Variants in WIPF1 observed in about 807,000 individuals in gnomAD.
WIPF1 encodes the protein WAS/WASL-interacting protein family member 1.
Under a neutral mutation model 35.4 loss-of-function variants are expected in WIPF1, and 13 were observed. That is an observed-to-expected ratio of 0.37 (90% confidence interval 0.24 to 0.58). WIPF1 has a LOEUF of 0.58. WIPF1 is among the 20% of genes least tolerant of loss of function. The pLI, the probability that WIPF1 is intolerant of heterozygous loss-of-function variation, is 0.74. For missense variants in WIPF1, 591 were observed against 667.0 expected, an observed-to-expected ratio of 0.89 and a Z score of 1.25; for synonymous variants, 267 against 266.3, an observed-to-expected ratio of 1.00 and a Z score of -0.02.
In WIPF1 at chr2:174,671,554, A is replaced by G. The variant is rs1373894227; in HGVS notation, c.-39+11220T>C. On this transcript the variant is annotated intron_variant, in intron 1 of 8. Transcript: ENST00000272746. ...TGGGAGTGGGGCAGAACAGAGCCAT[A>G]TTTCTCTTCTTTCAAAAGCAAACAG... Among the ~76,000 whole-genome samples the G allele has an allele frequency of 3.3e-5, 5 of 152,316 alleles. No homozygotes were observed. The South Asian group carries it at 1.0e-3, about 32-fold the overall frequency.
At chr2:174,620,573 C>G (rs1325121033) in intron 1 of WIPF1, among the ~76,000 whole-genome samples, 1 of 152,076 alleles carries the variant, frequency 6.6e-6, no homozygotes, top group Non-Finnish European at 1.5e-5. Context: ...TTCCTAGGAC[C>G]ATTAAAATAT....
At chr2:174,595,290 CAAA>C (rs377491345) in intron 1 of WIPF1, among the ~76,000 whole-genome samples, 3 of 45,286 alleles carry the variant, frequency 6.6e-5, no homozygotes, top group Non-Finnish European at 9.0e-5. Context: ...AACCCTGTCT[CAAA>C]AAAAAAAAAA....
At chr2:174,603,756 T>C (rs1686076256) in intron 1 of WIPF1, among the ~76,000 whole-genome samples, 1 of 152,094 alleles carries the variant, frequency 6.6e-6, no homozygotes, top group African/African-American at 2.4e-5. Context: ...TTTGGAGACT[T>C]GCAGGTTGGA....
At chr2:174,647,313 G>A (rs1687430970) in intron 1 of WIPF1, among the ~76,000 whole-genome samples, 1 of 151,870 alleles carries the variant, frequency 6.6e-6, no homozygotes, top group African/African-American at 2.4e-5. Flanking sequence ...AGGAGTCCGA[G>A]GCTGCTGTGA....
intron 3 of WIPF1, among the ~76,000 whole-genome samples, chr2:174,577,678 C>T (rs1685103682): frequency 6.6e-6 from 1 of 152,138 alleles, no homozygotes; most frequent in South Asian, 2.1e-4. Flanking sequence ...GTAATCCCAA[C>T]ACTTTGGGAG....
chr2:174,571,723 G>A lies in WIPF1; in HGVS notation c.1082C>T (p.Pro361Leu), dbSNP rs754722536. Residue 361 changes from proline (P) to leucine (L), a missense_variant, in exon 5 of 8, where the codon CCC becomes CTC. Pro to Leu is a moderately conservative substitution (Grantham distance 98). This residue lies in a region of WIPF1 where 471 missense variants were observed against 501.1 expected (regional missense o/e 0.94). Coordinates refer to ENST00000679041, the MANE Select transcript of WIPF1 (RefSeq NM_001375834.1). This position sits in a 1 kb window ranked among gnomAD's most constrained non-coding sequence, Gnocchi z 4.6. ...PGRSGPLPPPPSERPPPPVRD... is the reference protein window; with the variant it reads ...PGRSGPLPPPLSERPPPPVRD... The stretch of plus-strand genomic sequence containing the variant: ...CACTGGAGGTGGGGGTCTCTCACTG[G>A]GCGGGGGAGGAAGAGGACCTGAACG... 9 of 1,614,142 alleles carry A rather than the reference G, an allele frequency of 5.6e-6. No individual in the cohort carries two copies. The South Asian group carries it at 9.9e-5, about 18-fold the overall frequency.
intron 7 of WIPF1, among the ~76,000 whole-genome samples, chr2:174,565,546 T>C (rs1684631526): frequency 6.6e-6 from 1 of 152,236 alleles, no homozygotes; most frequent in Non-Finnish European, 1.5e-5. Flanking sequence ...GACCTGGGAC[T>C]GCCATCTGTC....
chr2:174,643,981 T>C (rs979573879), intron 1 of WIPF1, among the ~76,000 whole-genome samples: 1 of 152,228 alleles, frequency 6.6e-6, no homozygotes, highest in Non-Finnish European at 1.5e-5. Flanking sequence ...AGCTAGATTA[T>C]CTTTTTAAAC....
At chr2:174,601,327 G>A (rs1686001912), upstream of WIPF1, among the ~76,000 whole-genome samples, 1 of 152,210 alleles carries the variant, frequency 6.6e-6, no homozygotes, top group African/African-American at 2.4e-5. Context: ...CTGTTAAAGG[G>A]AAATTTTCCA....
intron 1 of WIPF1, among the ~76,000 whole-genome samples, chr2:174,651,635 C>T (rs1269071652): frequency 6.6e-6 from 1 of 152,168 alleles, no homozygotes; most frequent in Non-Finnish European, 1.5e-5. Context: ...TTCTCACAAT[C>T]AAGATCTTAC....
At chr2:174,568,876 A>T (rs556937166) in intron 5 of WIPF1, 18 of 152,264 alleles carry the variant, frequency 1.2e-4, no homozygotes, top group South Asian at 2.1e-4. Context: ...ACCATTTTTT[A>T]AAAAAATGTA....
At chr2:174,596,205 C>A (rs190215152) in intron 1 of WIPF1, among the ~76,000 whole-genome samples, 2 of 152,126 alleles carry the variant, frequency 1.3e-5, no homozygotes, top group South Asian at 2.1e-4. Flanking sequence ...GTAGCTGAAG[C>A]GCTATGAGCA....
chr2:174,616,073 G>T (rs1422608617), intron 1 of WIPF1, among the ~76,000 whole-genome samples: 1 of 152,154 alleles, frequency 6.6e-6, no homozygotes, highest in African/African-American at 2.4e-5. Flanking sequence ...GGAGGAAGTG[G>T]TGTGCTGATA....
intron 1 of WIPF1, among the ~76,000 whole-genome samples, chr2:174,592,643 T>C (rs946565996): frequency 2.0e-5 from 3 of 150,856 alleles, no homozygotes; most frequent in African/African-American, 7.3e-5. Context: ...TCTGGCTCTG[T>C]TGCCCAGGCT....
intron 6 of WIPF1, among the ~76,000 whole-genome samples, 166 bp from the exon 7 acceptor site, chr2:174,567,349 A>T (rs1260741567): frequency 3.9e-5 from 6 of 152,254 alleles, no homozygotes; most frequent in Non-Finnish European, 7.3e-5. Flanking sequence ...GTCACGAATT[A>T]GTACACTGAC....
At chr2:174,659,699 T>A (rs1687717246) in intron 1 of WIPF1, among the ~76,000 whole-genome samples, 7 of 152,160 alleles carry the variant, frequency 4.6e-5, no homozygotes. Flanking sequence ...CATTAGTGAT[T>A]ACAGAACTCA....
chr2:174,589,578 G>A (rs1456325048), intron 1 of WIPF1, among the ~76,000 whole-genome samples: 1 of 152,166 alleles, frequency 6.6e-6, no homozygotes, highest in South Asian at 2.1e-4. Flanking sequence ...TTCCTGCCTG[G>A]ATCCTCACAC....
chr2:174,631,036 AGTG>A (rs1687004000), intron 1 of WIPF1, among the ~76,000 whole-genome samples: 1 of 152,250 alleles, frequency 6.6e-6, no homozygotes, highest in Non-Finnish European at 1.5e-5. Context: ...TGGGAGGAAG[AGTG>A]GTATAAGAAG....
At chr2:174,569,543 G>T (rs567397759) in intron 5 of WIPF1, among the ~76,000 whole-genome samples, 1 of 152,260 alleles carries the variant, frequency 6.6e-6, no homozygotes, top group South Asian at 2.1e-4. Context: ...AAATGGTCAT[G>T]TTCATGTTCC....
Sources: allele counts gnomAD v4.1 joint callset (sites outside exome capture counted in the v4.1 genomes callset), GRCh38; gene constraint gnomAD v4.1.1; regional missense constraint gnomAD v4.1.1; non-coding constraint Gnocchi (gnomAD v3.1); transcripts MANE v1.5; gene names NCBI Gene and HGNC (gene_info 2026-07-23, HGNC 2026-07-21).